WDR83: variants seen among roughly 807,000 people sequenced by gnomAD.
WDR83 encodes the protein WD repeat domain 83, also known as WD repeat domain-containing protein 83.
A neutral mutation model predicts 37.7 loss-of-function variants in WDR83; 37 were observed. The ratio of observed to expected loss-of-function variants is 0.98; its 90% confidence interval spans 0.76 to 1.29. The LOEUF (loss-of-function observed/expected upper bound fraction) is 1.29, where lower values mean the gene tolerates loss of function less well. Among genes scored for constraint, WDR83 ranks in the 50% most tolerant of loss-of-function variants. The pLI is 0.00. For synonymous variants in WDR83, 174 were observed against 181.1 expected (o/e 0.96, Z 0.31); for missense variants, 445 against 414.4 (o/e 1.07, Z -0.64).
intron 1 of WDR83, 42 bp from the exon 2 acceptor site, chr19:12,668,465 TG>T (rs770650587): frequency 1.2e-6 from 2 of 1,613,264 alleles, no homozygotes; most frequent in African/African-American, 2.7e-5. Context: ...ATGGCCAGGC[TG>T]GGGTCCCCCC....
intron 7 of WDR83, among the ~76,000 whole-genome samples, chr19:12,671,730 G>A (rs1354361588): frequency 6.6e-6 from 1 of 152,156 alleles, no homozygotes; most frequent in African/African-American, 2.4e-5. Context: ...ACGCAGTCTC[G>A]CTCTGTTGCC....
At position 12,675,824 on chromosome 19, in the gene WDR83, G is replaced by C. The variant is rs774049303; in HGVS notation, c.*152G>C. On this transcript the variant is annotated 3_prime_UTR_variant, in exon 11 of 11. Coordinates refer to ENST00000418543, the MANE Select transcript of WDR83 (RefSeq NM_001099737.3). ...ATAGAAGAGGGGGTAAGACCTTCCT[G>C]GGACCGCAGCCGCTCAGTCCTCGTT... is the stretch of plus-strand genomic sequence containing the variant. 1.3e-6 allele frequency: 2 copies of C among 1,579,342 alleles called. No individual in the cohort carries two copies. Among genetic ancestry groups the C allele is most frequent in the African/African-American group, 2.7e-5 (2 of 73,710 alleles).
intron 5 of WDR83, 125 bp downstream of exon 5, chr19:12,670,410 A>G: frequency 6.7e-7 from 1 of 1,499,334 alleles, no homozygotes; most frequent in Non-Finnish European, 9.2e-7. Context: ...CCCACTCCGC[A>G]TGCCAGGCTA....
intron 1 of WDR83, 36 bp from the exon 2 acceptor site, chr19:12,668,472 C>A: frequency 6.2e-7 from 1 of 1,612,882 alleles, no homozygotes; most frequent in Non-Finnish European, 8.5e-7. Context: ...GGCTGGGGTC[C>A]CCCCACCCCT....
At chr19:12,671,837 A>G (rs990743514) in intron 7 of WDR83, among the ~76,000 whole-genome samples, 19 of 151,882 alleles carry the variant, frequency 1.3e-4, no homozygotes, top group African/African-American at 4.6e-4. Context: ...AGCTGGGACT[A>G]CAGTCGCGTG....
intron 1 of WDR83, chr19:12,668,060 A>G: frequency 2.8e-6 from 1 of 356,102 alleles, no homozygotes; most frequent in Non-Finnish European, 5.4e-6. Context: ...ACTGAACAGA[A>G]GAGGCTGACA....
Position 12,673,062 on chromosome 19 carries a change from G to C in WDR83, c.629G>C (p.Ser210Thr). The C allele has an allele frequency of 6.2e-7, 1 of 1,613,716 alleles. No homozygotes were observed. The highest frequency in any genetic ancestry group is 2.2e-5 in the East Asian group (1 of 44,876). The change falls in exon 9 of 11, where the codon AGC becomes ACC. Residue 210 changes from serine to threonine, a missense_variant. By Grantham distance (58) the Ser-to-Thr change is moderately conservative (BLOSUM62 1). Coordinates refer to ENST00000418543, the MANE Select transcript of WDR83 (RefSeq NM_001099737.3). ...GATGGGCAGTGCACCCTGGTGTCCA[G>C]CCTGGACTCCACATTGCGGCTCCTG... ...SRDGQCTLVS[S>T]LDSTLRLLDK...
At chr19:12,673,590 G>T (rs867936035) in intron 10 of WDR83, among the ~76,000 whole-genome samples, 5 of 152,002 alleles carry the variant, frequency 3.3e-5, no homozygotes, top group Admixed American at 6.6e-5. Flanking sequence ...GCTAATTTTT[G>T]TATTTTTAGT....
At chr19:12,675,130 G>C (rs1202737682) in intron 10 of WDR83, among the ~76,000 whole-genome samples, 1 of 149,224 alleles carries the variant, frequency 6.7e-6, no homozygotes, top group African/African-American at 2.5e-5. Flanking sequence ...AACAGAAAAA[G>C]AAAAAGACTC....
chr19:12,671,313 G>C (rs1454832072), intron 7 of WDR83: 1 of 152,176 alleles, frequency 6.6e-6, no homozygotes, highest in East Asian at 1.9e-4. Flanking sequence ...GGGCGACAAA[G>C]TGAGACTCCA....
chr19:12,669,870 C>T lies in WDR83; in HGVS notation c.80C>T (p.Ala27Val). ...RLKTLDCGQG[A>V]VRAVRFNVDG... ...AAGACGCTGGACTGCGGGCAGGGGG[C>T]AGTGCGAGCCGTACGATTTAATGGT... The change falls in exon 3 of 11, where the codon GCA becomes GTA. Residue 27 changes from alanine (A) to valine (V), a missense_variant. Physicochemically the swap from Ala to Val is moderately conservative, Grantham distance 64. Transcript: ENST00000418543. The T allele has an allele frequency of 6.2e-7, 1 of 1,610,784 alleles. No individual in the cohort carries two copies. Among genetic ancestry groups the T allele is most frequent in the Non-Finnish European group, 8.5e-7 (1 of 1,178,124 alleles).
chr19:12,675,433 G>T, intron 10 of WDR83, 90 bp from the exon 11 acceptor site: 1 of 1,530,038 alleles, frequency 6.5e-7, no homozygotes. Context: ...GAGGGCTTCA[G>T]GCAGGACTGA....
In WDR83 at chr19:12,669,989, A is replaced by G; in HGVS notation, c.116A>G (p.Tyr39Cys). ...RAVRFNVDGNYCLTCGSDKTL... is the reference protein window; with the variant it reads ...RAVRFNVDGNCCLTCGSDKTL... ...TGGTGTTCCCCAGTGGATGGCAATT[A>G]CTGCCTGACGTGCGGCAGTGACAAG... The change falls in exon 4 of 11, where the codon TAC (tyrosine) becomes TGC (cysteine). Residue 39 changes from tyrosine (Y) to cysteine (C), a missense_variant. Transcript: ENST00000418543. 1 of 1,610,748 alleles carries G rather than the reference A, an allele frequency of 6.2e-7. No homozygotes were observed. Among genetic ancestry groups the G allele is most frequent in the Non-Finnish European group, 8.5e-7 (1 of 1,177,344 alleles).
Position 12,670,412 on chromosome 19 carries a change from G to C in WDR83, c.330+127G>C. 6 of 1,493,898 alleles carry C rather than the reference G, an allele frequency of 4.0e-6. No individual in the cohort carries two copies. The South Asian group carries it at 7.3e-5, about 18-fold the overall frequency. The allele number at this position is 1,493,898 out of a possible 1,614,324, so 92.5% of individuals were successfully genotyped here. ...CAGATGACGATCCCCCACTCCGCAT[G>C]CCAGGCTAGGCAGTCACCAACCCCT... On this transcript the variant is annotated intron_variant, in intron 5 of 10. Transcript: ENST00000418543.
At chr19:12,672,377 G>A (rs1448659138) in intron 7 of WDR83, 4 of 191,854 alleles carry the variant, frequency 2.1e-5, no homozygotes, top group Non-Finnish European at 4.4e-5. Flanking sequence ...GGGAGGCTGA[G>A]GTGGGCGGAT....
In WDR83 at chr19:12,668,632, G is replaced by A; in HGVS notation, c.-37+5G>A. ...CACCACTTCAGCTAGGGAAAGGTAAGTGGGTGGGCAGGTTAGTGAAAGGCA... is the reference window on the plus strand; with the variant it reads ...CACCACTTCAGCTAGGGAAAGGTAAATGGGTGGGCAGGTTAGTGAAAGGCA... On this transcript the variant is annotated splice_donor_5th_base_variant and intron_variant, in intron 2 of 10. Transcript: ENST00000418543. The A allele has an allele frequency of 6.2e-7, 1 of 1,612,326 alleles. No homozygotes were observed. Among genetic ancestry groups the A allele is most frequent in the Non-Finnish European group, 8.5e-7 (1 of 1,178,806 alleles).
intron 2 of WDR83, 117 bp downstream of exon 2, chr19:12,668,744 G>A (rs921164543): frequency 2.8e-5 from 22 of 787,624 alleles, no homozygotes; most frequent in Non-Finnish European, 4.5e-5. Context: ...TGCCCCACCC[G>A]GAATTCCTCA....
chr19:12,668,326 C>G, intron 1 of WDR83, 182 bp from the exon 2 acceptor site: 1 of 1,592,748 alleles, frequency 6.3e-7, no homozygotes, highest in South Asian at 1.1e-5. Flanking sequence ...AGTGGATAGA[C>G]AGGGTCCAAA....
At chr19:12,667,879 G>C (rs1014138111) in intron 1 of WDR83, among the ~76,000 whole-genome samples, 1 of 151,934 alleles carries the variant, frequency 6.6e-6, no homozygotes, top group Non-Finnish European at 1.5e-5. Context: ...AGGTCAGCAG[G>C]GCCATCTGGT....
Sources: allele counts gnomAD v4.1 joint callset (sites outside exome capture counted in the v4.1 genomes callset), GRCh38; gene constraint gnomAD v4.1.1; transcripts MANE v1.5; gene names NCBI Gene and HGNC (gene_info 2026-07-23, HGNC 2026-07-21).